LIPJ: variants seen among roughly 807,000 people sequenced by gnomAD.
The protein encoded by LIPJ is lipase family member J.
A neutral mutation model predicts 39.8 loss-of-function variants in LIPJ; 33 were observed. That is an observed-to-expected ratio of 0.83 (90% CI 0.63 to 1.11). The LOEUF is 1.11. LIPJ is among the 50% of genes least tolerant of loss of function. The pLI is 0.00. For missense variants in LIPJ, 422 were observed against 427.9 expected (o/e 0.99, Z 0.12); for synonymous variants, 128 against 139.2 (o/e 0.92, Z 0.57).
At chr10:88,584,419 T>C (rs1029617115), upstream of LIPJ, 1 of 152,150 alleles carries the variant, frequency 6.6e-6, no homozygotes, top group Non-Finnish European at 1.5e-5. Context: ...TTAAAGTTAA[T>C]ATTATTTAAA....
chr10:88,604,164 C>A (rs1488348140), intron 9 of LIPJ, among the ~76,000 whole-genome samples: 1 of 152,070 alleles, frequency 6.6e-6, no homozygotes, highest in Admixed American at 6.6e-5. Context: ...ATTAGGCATG[C>A]TGGGAAGTGG....
the LIPJ span, among the ~76,000 whole-genome samples, chr10:88,617,120 GGAGGGGATCTTGGT>G: frequency 6.6e-6 from 1 of 152,184 alleles, no homozygotes; most frequent in Non-Finnish European, 1.5e-5. Context: ...GACTGCTGAA[GGAGGGGATCTTGGT>G]GATGCCAAAC....
At chr10:88,592,782 C>T (rs10509552) in intron 4 of LIPJ, 25,755 of 151,814 alleles carry the variant, frequency 0.17, 2,642 homozygotes, top group East Asian at 0.39. Context: ...AGGGCCATAA[C>T]TAGTATTCAT....
chr10:88,605,513 ACCT>A (rs2134585647), intron 9 of LIPJ, 117 bp from the exon 10 acceptor site: 1 of 706,668 alleles, frequency 1.4e-6, no homozygotes, highest in East Asian at 2.7e-5. Context: ...GAAGAAGCCC[ACCT>A]GCATAAATAC....
chr10:88,597,976 T>C (rs1169019270), intron 8 of LIPJ, among the ~76,000 whole-genome samples: 2 of 151,994 alleles, frequency 1.3e-5, no homozygotes. Context: ...TGTGTATAAA[T>C]TATTAGAAAA....
At position 88,591,411 on chromosome 10, in the gene LIPJ, G is replaced by A. The variant is rs377162294; in HGVS notation, c.43G>A (p.Glu15Lys). 22 of 1,603,632 alleles carry A rather than the reference G, an allele frequency of 1.4e-5. No homozygotes were observed. The highest frequency in any genetic ancestry group is 1.8e-5 in the Non-Finnish European group (21 of 1,172,986). Residue 15 changes from glutamate to lysine, a missense_variant, in exon 4 of 11, where the codon GAA (glutamate) becomes AAA (lysine). Coordinates refer to ENST00000371939, the Ensembl canonical transcript of LIPJ. ...TATTTCCTACTGGGGCTACCCTGAT[G>A]AAGAATATGATATTGTAACCGAAGA...
chr10:88,615,666 C>G, the LIPJ span, among the ~76,000 whole-genome samples: 1 of 148,324 alleles, frequency 6.7e-6, no homozygotes, highest in Non-Finnish European at 1.5e-5. Flanking sequence ...AAGAAATACC[C>G]TAACATACAT....
At chr10:88,597,982 G>T (rs1457441298) in intron 8 of LIPJ, among the ~76,000 whole-genome samples, 1 of 151,886 alleles carries the variant, frequency 6.6e-6, no homozygotes, top group Admixed American at 6.6e-5. Context: ...TAAATTATTA[G>T]AAAAGCTTAC....
At chr10:88,613,937 C>A in the LIPJ span, among the ~76,000 whole-genome samples, 9 of 147,710 alleles carry the variant, frequency 6.1e-5, no homozygotes, top group Admixed American at 6.1e-4. Flanking sequence ...AACTGTACAC[C>A]AAATTTTTAA....
At chr10:88,600,794 G>A (rs1339971038) in intron 8 of LIPJ, among the ~76,000 whole-genome samples, 1 of 152,096 alleles carries the variant, frequency 6.6e-6, no homozygotes, top group Non-Finnish European at 1.5e-5. Flanking sequence ...AAATGTATTG[G>A]TTCACACTTC....
At chr10:88,613,743 GATATATATATATATATATGTGTGTGTGT>G in the LIPJ span, among the ~76,000 whole-genome samples, 1 of 93,816 alleles carries the variant, frequency 1.1e-5, no homozygotes, top group African/African-American at 3.9e-5. Context: ...AAGGCATCCT[GATATATATATATATATATGTGTGTGTGT>G]ATATATATAT....
downstream of LIPJ, among the ~76,000 whole-genome samples, chr10:88,607,189 G>A (rs1851694139): frequency 6.6e-6 from 1 of 151,984 alleles, no homozygotes; most frequent in East Asian, 1.9e-4. Flanking sequence ...AATTGCAGGA[G>A]ATAACTTTTT....
chr10:88,618,055 A>T, the LIPJ span, among the ~76,000 whole-genome samples: 1 of 152,164 alleles, frequency 6.6e-6, no homozygotes, highest in East Asian at 1.9e-4. Context: ...TCGGGCCTGG[A>T]AACCTCTTAA....
chr10:88,591,651 A>G (rs1590075580), intron 4 of LIPJ, 153 bp downstream of exon 4: 1 of 544,148 alleles, frequency 1.8e-6, no homozygotes, highest in East Asian at 3.4e-5. Flanking sequence ...AAGAAGAGTC[A>G]CACAAGAAGA....
chr10:88,603,450 G>C (rs1660911671), intron 9 of LIPJ, among the ~76,000 whole-genome samples: 1 of 152,042 alleles, frequency 6.6e-6, no homozygotes, highest in Non-Finnish European at 1.5e-5. Context: ...ACTAATATTT[G>C]TTCAATTAAT....
rs748675912 is a variant in LIPJ at position 88,594,069 on chromosome 10, GA to G, written c.257del (p.Asn86IlefsTer14). The G allele has an allele frequency of 6.2e-7, 1 of 1,612,226 alleles. No homozygotes were observed. Among genetic ancestry groups the G allele is most frequent in the South Asian group, 1.1e-5 (1 of 91,008 alleles). On this transcript the variant is annotated frameshift_variant, in exon 5 of 11. Coordinates refer to ENST00000371939, the Ensembl canonical transcript of LIPJ. LOFTEE classifies it high-confidence loss of function. ...GATGCTGGTTATGATGTGTGGATGG[GA>G]AATAGCAGAGGAAATACCTGGTCCA...
At chr10:88,596,376 C>T in exon 7 of LIPJ, 1 of 1,550,642 alleles carries the variant, frequency 6.4e-7, no homozygotes, top group South Asian at 1.3e-5. Flanking sequence ...TTAAAAAGTC[C>T]TTTAATTAGA....
downstream of LIPJ, among the ~76,000 whole-genome samples, chr10:88,611,200 T>C (rs1464130250): frequency 6.6e-6 from 1 of 152,204 alleles, no homozygotes; most frequent in Admixed American, 6.5e-5. Flanking sequence ...GAAGCCCCAT[T>C]CCCAGGGGAA....
At chr10:88,588,269 A>C (rs1234229792) in intron 2 of LIPJ, among the ~76,000 whole-genome samples, 1 of 151,726 alleles carries the variant, frequency 6.6e-6, no homozygotes, top group African/African-American at 2.4e-5. Context: ...CAACTTAAAA[A>C]CTCTATCTCT....
Sources: gnomAD v4.1 joint callset for allele counts (sites outside exome capture counted in the v4.1 genomes callset) on GRCh38, gnomAD v4.1.1 for gene constraint, MANE v1.5 for transcripts, NCBI Gene and HGNC (gene_info 2026-07-23, HGNC 2026-07-21) for gene names.